Variants in PPP1CC observed in about 807,000 individuals in gnomAD.
PPP1CC encodes protein phosphatase 1 catalytic subunit gamma, also known as serine/threonine-protein phosphatase PP1-gamma catalytic subunit.
Under a neutral mutation model 38.4 loss-of-function variants are expected in PPP1CC, and 16 were observed. The observed-to-expected ratio is 0.42, with a 90% CI of 0.28 to 0.63. The LOEUF is 0.63. PPP1CC is among the 30% of genes least tolerant of loss of function. The pLI is 0.25. For synonymous variants in PPP1CC, 158 were observed against 136.0 expected, an observed-to-expected ratio of 1.16 and a Z score of -1.13; for missense variants, 170 against 391.3, an observed-to-expected ratio of 0.43 and a Z score of 4.77.
downstream of PPP1CC, among the ~76,000 whole-genome samples, chr12:110,717,857 A>G (rs1205032063): frequency 6.6e-6 from 1 of 152,184 alleles, no homozygotes; most frequent in Non-Finnish European, 1.5e-5. Context: ...CTCAATTCAC[A>G]TGGTGTCTGC....
chr12:110,727,755 A>ATG (rs1003617305), intron 3 of PPP1CC, among the ~76,000 whole-genome samples: 1 of 152,208 alleles, frequency 6.6e-6, no homozygotes, highest in African/African-American at 2.4e-5. Flanking sequence ...TTATATATAT[A>ATG]TTAAATGTCT....
chr12:110,740,560 G>A (rs925324792), intron 1 of PPP1CC, among the ~76,000 whole-genome samples: 1 of 151,712 alleles, frequency 6.6e-6, no homozygotes, highest in Non-Finnish European at 1.5e-5. Flanking sequence ...ACACCCACGA[G>A]AAAAAAAGAA....
Position 110,736,064 on chromosome 12 carries a change from AAAAC to A in PPP1CC, c.56-4167_56-4164del, listed in dbSNP as rs10699448. Among the ~76,000 whole-genome samples the A allele has an allele frequency of 3.2e-3, 481 of 150,236 alleles. 1 individual carries two copies. The highest frequency in any genetic ancestry group is 0.011 in the South Asian group (50 of 4,754). On this transcript the variant is annotated intron_variant, in intron 1 of 6. Transcript: ENST00000335007. ...GGGAACAAGAATAAGACTTTGTCTC[AAAAC>A]AAACAAACAAACAAACAAACTCCGT...
At chr12:110,718,370 A>C (rs1324193909), downstream of PPP1CC, among the ~76,000 whole-genome samples, 1 of 152,200 alleles carries the variant, frequency 6.6e-6, no homozygotes, top group Non-Finnish European at 1.5e-5. Flanking sequence ...ACTTGACAAA[A>C]ACAAAACCAA....
downstream of PPP1CC, among the ~76,000 whole-genome samples, chr12:110,716,135 A>G: frequency 6.6e-6 from 1 of 152,204 alleles, no homozygotes; most frequent in East Asian, 1.9e-4. Context: ...GGTTGATGCC[A>G]GTGCCTTTAC....
At chr12:110,715,900 C>T (rs528580462), downstream of PPP1CC, among the ~76,000 whole-genome samples, 138 of 150,864 alleles carry the variant, frequency 9.1e-4, no homozygotes, top group African/African-American at 3.4e-3. Flanking sequence ...GGATTACAGG[C>T]GTGAGCCACC....
intron 3 of PPP1CC, among the ~76,000 whole-genome samples, chr12:110,728,713 A>G (rs559378697): frequency 1.3e-5 from 2 of 152,198 alleles, no homozygotes; most frequent in Admixed American, 1.3e-4. Context: ...TTAATATTGA[A>G]TACCTTTCAT....
chr12:110,713,368 G>C, the PPP1CC span, among the ~76,000 whole-genome samples: 1 of 152,050 alleles, frequency 6.6e-6, no homozygotes, highest in African/African-American at 2.4e-5. Flanking sequence ...CTCGAGCTCA[G>C]GCAATCTGCC....
At chr12:110,714,032 G>A in the PPP1CC span, among the ~76,000 whole-genome samples, 1 of 152,134 alleles carries the variant, frequency 6.6e-6, no homozygotes, top group Non-Finnish European at 1.5e-5. Context: ...TTGGGAGGTG[G>A]AGGTTGCAGT....
chr12:110,732,977 T>G (rs1018558057), intron 1 of PPP1CC: 4 of 152,258 alleles, frequency 2.6e-5, no homozygotes, highest in South Asian at 4.1e-4. Flanking sequence ...CTAAGTCTCG[T>G]TCTGATAAAA....
chr12:110,726,761 T>G (rs1223634778), intron 3 of PPP1CC: 2 of 152,186 alleles, frequency 1.3e-5, no homozygotes, highest in East Asian at 1.9e-4. Context: ...GGATTAGGGA[T>G]GTTTAACCAG....
the PPP1CC span, among the ~76,000 whole-genome samples, chr12:110,708,550 T>C: frequency 6.6e-6 from 1 of 152,102 alleles, no homozygotes; most frequent in East Asian, 1.9e-4. Context: ...TTGTATGATC[T>C]GAAAAATGTC....
rs1007681216 is a variant in PPP1CC at position 110,720,464 on chromosome 12, A to G, written c.*612T>C. The G allele has an allele frequency of 7.0e-6, 3 of 430,104 alleles. No homozygotes were observed. The highest frequency in any genetic ancestry group is 4.1e-5 in the African/African-American group (2 of 49,312). 26.6% of individuals were successfully genotyped at this position (430,104 alleles called of 1,614,324 possible). ...TTAAAAGAATGGCTTTGTCATTTTA[A>G]GTATACGGTCGGGGAAAAGTGTGCT... On this transcript the variant is annotated 3_prime_UTR_variant, in exon 7 of 7. Transcript: ENST00000335007.
chr12:110,708,961 TCTC>T, the PPP1CC span, among the ~76,000 whole-genome samples: 20 of 152,114 alleles, frequency 1.3e-4, no homozygotes, highest in African/African-American at 4.8e-4. Context: ...ACTCTGATCT[TCTC>T]TGGAGGAGCT....
At chr12:110,716,555 G>T (rs570745279), downstream of PPP1CC, among the ~76,000 whole-genome samples, 13 of 152,116 alleles carry the variant, frequency 8.5e-5, no homozygotes, top group Admixed American at 1.3e-4. Context: ...ATTTCACCAT[G>T]TTGGCCAGGC....
chr12:110,725,136 A>C (rs749421752), intron 3 of PPP1CC: 3 of 153,262 alleles, frequency 2.0e-5, no homozygotes, highest in African/African-American at 4.8e-5. Context: ...TTACATTTTC[A>C]CATGAAATCT....
intron 6 of PPP1CC, 192 bp from the exon 7 acceptor site, chr12:110,721,357 T>TA (rs1021173113): frequency 6.1e-6 from 3 of 491,118 alleles, no homozygotes; most frequent in Non-Finnish European, 1.1e-5. Flanking sequence ...GACGAACAGA[T>TA]AAAATCTATT....
intron 3 of PPP1CC, among the ~76,000 whole-genome samples, chr12:110,730,066 G>C (rs1377935556): frequency 6.6e-6 from 1 of 152,202 alleles, no homozygotes; most frequent in African/African-American, 2.4e-5. Context: ...CTACCCAAGA[G>C]AGAAAAAACT....
intron 4 of PPP1CC, 109 bp downstream of exon 4, chr12:110,724,551 G>T (rs1401872735): frequency 7.3e-6 from 5 of 680,914 alleles, no homozygotes; most frequent in South Asian, 3.5e-5. Flanking sequence ...ATCAACAAAG[G>T]AGAGTGTTCT....
Sources: allele counts gnomAD v4.1 joint callset (sites outside exome capture counted in the v4.1 genomes callset), GRCh38; gene constraint gnomAD v4.1.1; transcripts MANE v1.5; gene names NCBI Gene and HGNC (gene_info 2026-07-23, HGNC 2026-07-21).